The following ERN1 variants were observed in gnomAD, a reference collection of about 807,000 sequenced individuals.
ERN1 encodes serine/threonine-protein kinase/endoribonuclease IRE1.
Under a neutral mutation model 113.1 loss-of-function variants are expected in ERN1, and 39 were observed. That is an observed-to-expected ratio of 0.34 (90% CI 0.27 to 0.45). The LOEUF (loss-of-function observed/expected upper bound fraction) is 0.45. ERN1 is among the 20% of genes least tolerant of loss of function. The pLI, the probability that ERN1 is intolerant of heterozygous loss-of-function variation, is 1.00. For missense variants in ERN1, 976 were observed against 1,274.8 expected, an observed-to-expected ratio of 0.77 and a Z score of 3.57; for synonymous variants, 507 against 515.9, an observed-to-expected ratio of 0.98 and a Z score of 0.23.
intron 2 of ERN1, among the ~76,000 whole-genome samples, chr17:64,085,639 A>T (rs1275506768): frequency 6.6e-6 from 1 of 152,152 alleles, no homozygotes; most frequent in Non-Finnish European, 1.5e-5. Flanking sequence ...TCCATTGTTG[A>T]TCACTTTTAA....
rs201171261 is a variant in ERN1, at chr17:64,059,729, C to CCCTCT, written c.1206+735_1206+739dup. Among the ~76,000 whole-genome samples, 833 of 152,252 alleles carry CCCTCT rather than the reference C, an allele frequency of 5.5e-3. 18 individuals carry two copies. Among genetic ancestry groups the CCCTCT allele is most frequent in the East Asian group, 0.05 (258 of 5,184 alleles). Reference sequence around the variant, plus strand: ...CTCCCGGTCTAGAGTCCTTTCTACTCCCTCTCCTCTGGCTTTAGGCCAAGG... The same window carrying CCCTCT: ...CTCCCGGTCTAGAGTCCTTTCTACTCCCTCTCCTCTCCTCTGGCTTTAGGCCAAGG... On this transcript the variant is annotated intron_variant, in intron 11 of 21. Transcript: ENST00000433197.
At position 64,055,698 on chromosome 17, in the gene ERN1, G is replaced by C. The variant is rs61736503; in HGVS notation, c.1649C>G (p.Pro550Arg). 1,957 of 1,600,718 alleles carry C rather than the reference G, an allele frequency of 1.2e-3. 16 individuals carry two copies. In the African/African-American group the frequency reaches 0.024, roughly 19 times the overall value. The change falls in exon 13 of 22, where the codon CCC becomes CGC. Residue 550 changes from proline (P) to arginine (R), a missense_variant. By Grantham distance (103) the Pro-to-Arg change is moderately radical. This residue lies in a region of ERN1 where 112 missense variants were observed against 106.2 expected (regional missense o/e 1.05). Transcript: ENST00000433197. Reference protein sequence around the residue: ...GSSASKAGSSPSLEQDDGDEE... With the variant: ...GSSASKAGSSRSLEQDDGDEE... ...ACCTCCATCGTCTTGTTCCAGGGAGGGGCTGCTGCCAGCCTTGGAGGCAGA... is the reference window on the plus strand; with the variant it reads ...ACCTCCATCGTCTTGTTCCAGGGAGCGGCTGCTGCCAGCCTTGGAGGCAGA...
At chr17:64,107,849 C>G (rs934445618) in intron 1 of ERN1, among the ~76,000 whole-genome samples, 1 of 152,212 alleles carries the variant, frequency 6.6e-6, no homozygotes, top group African/African-American at 2.4e-5. Flanking sequence ...AGATTTCAGT[C>G]CACCAGTAAA....
Position 64,044,669 on chromosome 17 carries a change from A to C in ERN1, c.2721+191T>G, listed in dbSNP as rs952252296. Among the ~76,000 whole-genome samples, 1 of 152,218 alleles carries C rather than the reference A, an allele frequency of 6.6e-6. No individual in the cohort carries two copies. Among genetic ancestry groups the C allele is most frequent in the Admixed American group, 6.5e-5 (1 of 15,284 alleles). ...GCTTCCCGGAGCTTCACCTGCACCTACGTCCCTGAAGGGAAAATCAGCGTA... is the reference window on the plus strand; with the variant it reads ...GCTTCCCGGAGCTTCACCTGCACCTCCGTCCCTGAAGGGAAAATCAGCGTA... On this transcript the variant is annotated intron_variant, in intron 21 of 21. Transcript: ENST00000433197. The surrounding 1 kb of genome is among the most constrained non-coding windows in gnomAD (Gnocchi z 4.1).
In ERN1 at chr17:64,079,691, G is replaced by A; in HGVS notation, c.253C>T (p.Leu85Phe). ...PDPNDGSLYT[L>F]GSKNNEGLTK... The stretch of plus-strand genomic sequence containing the variant: ...AGGCCTTCATTATTCTTGCTTCCAA[G>A]CGTATACAGGCTGCCATCATTAGGA... The change falls in exon 4 of 22, where the codon CTT (leucine) becomes TTT (phenylalanine). Residue 85 changes from leucine to phenylalanine, a missense_variant. Physicochemically the swap from Leu to Phe is conservative, Grantham distance 22. Coordinates refer to ENST00000433197, the MANE Select transcript of ERN1 (RefSeq NM_001433.5). 1 of 1,613,866 alleles carries A rather than the reference G, an allele frequency of 6.2e-7. No individual in the cohort carries two copies. Among genetic ancestry groups the A allele is most frequent in the South Asian group, 1.1e-5 (1 of 91,070 alleles).
In ERN1 at chr17:64,055,863, T is replaced by A. The variant is rs1567863611; in HGVS notation, c.1484A>T (p.Gln495Leu). The change falls in exon 13 of 22, where the codon CAG (glutamine) becomes CTG (leucine). Residue 495 changes from glutamine (Q) to leucine (L), a missense_variant. Physicochemically the swap from Gln to Leu is moderately radical, Grantham distance 113 (BLOSUM62 -2). Around this residue, in one of 5 missense-constraint regions of ERN1, gnomAD observed 112 missense variants for 106.2 expected, o/e 1.05. Coordinates refer to ENST00000433197, the MANE Select transcript of ERN1 (RefSeq NM_001433.5). ...GTCTCCAGGTGGGTGGAAGGGCAGC[T>A]GCTGCTGCTGCTGCTGCAGGAGCTG... ...KIQLLQQQQQQLPFHPPGDTA... is the reference protein window; with the variant it reads ...KIQLLQQQQQLLPFHPPGDTA... The A allele has an allele frequency of 4.6e-6, 7 of 1,506,972 alleles. No homozygotes were observed. The highest frequency in any genetic ancestry group is 1.2e-5 in the South Asian group (1 of 80,502). 93.4% of individuals were successfully genotyped at this position (1,506,972 alleles called of 1,614,324 possible). A position where few individuals can be genotyped will look rare whatever the true frequency, so the allele number is the denominator to read the frequency against.
chr17:64,051,737 T>C (rs1912690890), intron 17 of ERN1, among the ~76,000 whole-genome samples: 1 of 152,218 alleles, frequency 6.6e-6, no homozygotes, highest in Admixed American at 6.5e-5. Context: ...CCTGATTCCA[T>C]CCTGGTATAT....
intron 6 of ERN1, among the ~76,000 whole-genome samples, chr17:64,068,931 T>C (rs1313053779): frequency 6.6e-6 from 1 of 152,184 alleles, no homozygotes; most frequent in Non-Finnish European, 1.5e-5. Flanking sequence ...CTCTTAGCTG[T>C]CTATGATATA....
intron 8 of ERN1, among the ~76,000 whole-genome samples, chr17:64,065,678 G>C (rs1238288272): frequency 6.6e-6 from 1 of 151,148 alleles, no homozygotes. Flanking sequence ...TCACTCCAGC[G>C]ACCACCAGAA....
chr17:64,058,364 G>A (rs1045546726), intron 11 of ERN1, among the ~76,000 whole-genome samples: 1 of 152,046 alleles, frequency 6.6e-6, no homozygotes, highest in African/African-American at 2.4e-5. Context: ...AACAAAGTCT[G>A]GTGAAAAATT....
chr17:64,065,735 C>T (rs1350222019), intron 8 of ERN1, among the ~76,000 whole-genome samples: 3 of 152,220 alleles, frequency 2.0e-5, no homozygotes, highest in East Asian at 1.9e-4. Context: ...GGAGGTTTTA[C>T]AGAACTCCTG....
intron 2 of ERN1, among the ~76,000 whole-genome samples, chr17:64,086,637 CTTTTTTTTTT>C (rs773655917): frequency 3.6e-3 from 170 of 47,598 alleles, no homozygotes; most frequent in African/African-American, 0.012. Context: ...CTTTTCTTTC[CTTTTTTTTTT>C]TTTTTTTTTT....
intron 18 of ERN1, 40 bp from the exon 19 acceptor site, chr17:64,048,025 C>T: frequency 1.3e-6 from 2 of 1,565,382 alleles, no homozygotes; most frequent in Non-Finnish European, 1.7e-6. Context: ...ACTACCAGTC[C>T]AAAGCCACAG....
chr17:64,051,102 G>C (rs764631405), intron 17 of ERN1, among the ~76,000 whole-genome samples: 5 of 151,120 alleles, frequency 3.3e-5, no homozygotes, highest in Non-Finnish European at 5.9e-5. Flanking sequence ...AACAAAAAAA[G>C]GACTAAAATG....
intron 2 of ERN1, among the ~76,000 whole-genome samples, chr17:64,089,318 CAAAAAAA>C (rs34094164): frequency 2.1e-4 from 5 of 24,236 alleles, no homozygotes; most frequent in South Asian, 2.6e-3. Flanking sequence ...GAATCCATCT[CAAAAAAA>C]AAAAAAAAAA....
chr17:64,102,579 C>T, intron 1 of ERN1: 1 of 844,408 alleles, frequency 1.2e-6, no homozygotes, highest in Non-Finnish European at 1.4e-6. Context: ...CATGAACATG[C>T]CTGAGTTCAA....
intron 12 of ERN1, among the ~76,000 whole-genome samples, chr17:64,057,120 CTTT>C (rs1488964413): frequency 6.6e-6 from 1 of 152,120 alleles, no homozygotes; most frequent in Non-Finnish European, 1.5e-5. Flanking sequence ...CTTCTTTTTT[CTTT>C]TTTTGGTTCT....
At chr17:64,114,626 C>CT (rs1211662557) in intron 1 of ERN1, among the ~76,000 whole-genome samples, 2 of 152,018 alleles carry the variant, frequency 1.3e-5, no homozygotes, top group East Asian at 1.9e-4. Flanking sequence ...GAGTCAGAAT[C>CT]TTTTTTTTAC....
chr17:64,072,472 G>A (rs989532653), intron 5 of ERN1, among the ~76,000 whole-genome samples: 2 of 152,244 alleles, frequency 1.3e-5, no homozygotes, highest in Admixed American at 6.5e-5. Flanking sequence ...TAGAAATACA[G>A]AAATGTGCCC....
Sources: gnomAD v4.1 joint callset for allele counts (sites outside exome capture counted in the v4.1 genomes callset) on GRCh38, gnomAD v4.1.1 for gene constraint, gnomAD v4.1.1 regional missense constraint, Gnocchi (gnomAD v3.1) non-coding constraint, MANE v1.5 for transcripts, NCBI Gene and HGNC (gene_info 2026-07-23, HGNC 2026-07-21) for gene names.